Variants in CCDC171 observed in about 807,000 individuals in gnomAD.
CCDC171 encodes coiled-coil domain containing 171, also known as coiled-coil domain-containing protein 171.
CCDC171 carries 177 observed loss-of-function variants against 168.2 expected under a neutral mutation model. The observed-to-expected ratio is 1.05, with a 90% CI of 0.93 to 1.19. The LOEUF (loss-of-function observed/expected upper bound fraction) is 1.19. Ranked by LOEUF, CCDC171 falls within the 50% of genes most tolerant of loss-of-function variation. The probability of loss-of-function intolerance (pLI) is 0.00; values close to 1 mark genes in which losing one functional copy is unlikely to be tolerated. For synonymous variants in CCDC171, 687 were observed against 540.8 expected (o/e 1.27, Z -3.75); for missense variants, 1,991 against 1,539.0 (o/e 1.29, Z -4.91).
In CCDC171 at chr9:15,751,500, T is replaced by C. The variant is rs113587792; in HGVS notation, c.2671+5869T>C. ...TAAGCAAAAAGAGCAAAGCTGGAGGTGTCAGGCTGCCTGACTTCAAAACAG... is the reference window on the plus strand; with the variant it reads ...TAAGCAAAAAGAGCAAAGCTGGAGGCGTCAGGCTGCCTGACTTCAAAACAG... On this transcript the variant is annotated intron_variant, in intron 18 of 25. Transcript: ENST00000380701. 9.1e-3 allele frequency among the ~76,000 whole-genome samples: 1,381 copies of C among 152,036 alleles called. 14 individuals carry two copies. Among genetic ancestry groups the C allele is most frequent in the South Asian group, 0.022 (107 of 4,810 alleles).
At chr9:15,631,364 CA>C (rs1405590065) in intron 7 of CCDC171, among the ~76,000 whole-genome samples, 8 of 152,112 alleles carry the variant, frequency 5.3e-5, no homozygotes, top group African/African-American at 1.9e-4. Context: ...CACAGAAATA[CA>C]AACTACCATC....
At chr9:15,927,189 A>G (rs1376037786) in intron 25 of CCDC171, among the ~76,000 whole-genome samples, 2 of 151,674 alleles carry the variant, frequency 1.3e-5, no homozygotes, top group East Asian at 1.9e-4. Flanking sequence ...AGTTCATGTA[A>G]GATTTCTCAT....
chr9:15,836,434 C>A (rs952123580), intron 21 of CCDC171, among the ~76,000 whole-genome samples: 1 of 152,142 alleles, frequency 6.6e-6, no homozygotes, highest in African/African-American at 2.4e-5. Context: ...GGCGCCATCT[C>A]GGCTTACTGC....
At chr9:15,955,386 A>G (rs1486991466) in intron 25 of CCDC171, among the ~76,000 whole-genome samples, 1 of 152,124 alleles carries the variant, frequency 6.6e-6, no homozygotes, top group African/African-American at 2.4e-5. Flanking sequence ...TGCAACAATA[A>G]TGGTCACCTG....
chr9:15,591,846 G>A (rs926212041), intron 5 of CCDC171, among the ~76,000 whole-genome samples: 2 of 152,042 alleles, frequency 1.3e-5, no homozygotes, highest in African/African-American at 2.4e-5. Context: ...AGCTCTTTTT[G>A]TCTAGCAATA....
intron 1 of CCDC171, among the ~76,000 whole-genome samples, chr9:16,059,603 T>G (rs1264689249): frequency 7.1e-6 from 1 of 141,712 alleles, no homozygotes; most frequent in Non-Finnish European, 1.5e-5. Context: ...CAAGCTCCGC[T>G]TCCCAGGTTC....
intron 1 of CCDC171, among the ~76,000 whole-genome samples, chr9:15,562,605 A>G (rs1310702904): frequency 6.6e-6 from 1 of 152,152 alleles, no homozygotes; most frequent in Non-Finnish European, 1.5e-5. Context: ...TCTCTGCCCA[A>G]TATACGAAAA....
At chr9:16,103,891 C>T in the CCDC171 span, among the ~76,000 whole-genome samples, 2 of 152,114 alleles carry the variant, frequency 1.3e-5, no homozygotes, top group African/African-American at 4.8e-5. Flanking sequence ...TGGAGGTCGT[C>T]CAGAGGAAAT....
chr9:15,944,785 C>A (rs1335599892), intron 25 of CCDC171, among the ~76,000 whole-genome samples: 1 of 151,906 alleles, frequency 6.6e-6, no homozygotes, highest in Non-Finnish European at 1.5e-5. Context: ...AAAGTAACTC[C>A]TTTATTCTAG....
Position 15,824,644 on chromosome 9 carries a change from C to T in CCDC171, c.3268-22058C>T, listed in dbSNP as rs963617585. 2.6e-5 allele frequency among the ~76,000 whole-genome samples: 4 copies of T among 152,056 alleles called. No individual in the cohort carries two copies. The South Asian group carries it at 6.2e-4, about 24-fold the overall frequency. ...AACATCTTTTATTAAAATAGATGAA[C>T]AGAACAACGTATATACAGGAAGCTG... On this transcript the variant is annotated intron_variant, in intron 21 of 25. Transcript: ENST00000380701.
At chr9:16,107,299 G>C in the CCDC171 span, among the ~76,000 whole-genome samples, 1 of 152,072 alleles carries the variant, frequency 6.6e-6, no homozygotes, top group African/African-American at 2.4e-5. Context: ...ACAGGCATGT[G>C]ACCATGCCTG....
downstream of CCDC171, chr9:16,061,362 G>A (rs1230657159): frequency 1.8e-4 from 27 of 152,122 alleles, no homozygotes; most frequent in Non-Finnish European, 1.5e-5. Flanking sequence ...GATTCTGTTG[G>A]CAGCACCTTA....
chr9:15,967,441 A>G (rs1180961339), intron 25 of CCDC171, among the ~76,000 whole-genome samples: 1 of 152,264 alleles, frequency 6.6e-6, no homozygotes, highest in African/African-American at 2.4e-5. Flanking sequence ...GCTTTATTTT[A>G]GAACAACGTG....
chr9:16,069,458 G>A, the CCDC171 span, among the ~76,000 whole-genome samples: 1 of 152,246 alleles, frequency 6.6e-6, no homozygotes, highest in Admixed American at 6.5e-5. Flanking sequence ...CCATATGCAC[G>A]AAGAAGGCGC....
chr9:15,929,611 T>G (rs1810746475), intron 25 of CCDC171, among the ~76,000 whole-genome samples: 1 of 151,796 alleles, frequency 6.6e-6, no homozygotes, highest in African/African-American at 2.4e-5. Flanking sequence ...ACCACAGATC[T>G]CTTAGACCCA....
intron 2 of CCDC171, among the ~76,000 whole-genome samples, chr9:15,566,260 A>C (rs2039718417): frequency 6.6e-6 from 1 of 151,870 alleles, no homozygotes. Context: ...GTCCTTTATC[A>C]GATACATGAT....
chr9:16,016,605 G>A (rs10810515), intron 3 of CCDC171, among the ~76,000 whole-genome samples: 6,763 of 152,164 alleles, frequency 0.044, 167 homozygotes, highest in African/African-American at 0.065. Context: ...CAAATCCAGC[G>A]TAGTGTTACT....
rs1460006468 is a variant in CCDC171, at chr9:16,060,381, T to G, written n.90-265T>G. ...CACCTGGGAACGGTGACTTTGGAACTGGCTGACGTGTTTATTTGGTGTGAG... is the reference window on the plus strand; with the variant it reads ...CACCTGGGAACGGTGACTTTGGAACGGGCTGACGTGTTTATTTGGTGTGAG... On this transcript the variant is annotated intron_variant and non_coding_transcript_variant, in intron 1 of 1. Transcript: ENST00000478913. Among the ~76,000 whole-genome samples, 3 of 152,238 alleles carry G rather than the reference T, an allele frequency of 2.0e-5. No individual in the cohort carries two copies. In the East Asian group the frequency reaches 5.8e-4, roughly 29 times the overall value.
intron 24 of CCDC171, chr9:15,885,978 G>C (rs2131400043): frequency 6.6e-6 from 1 of 152,212 alleles, no homozygotes; most frequent in South Asian, 2.1e-4. Context: ...AGAACTAAAA[G>C]TTATTCCAAC....
Sources: gnomAD v4.1 joint callset for allele counts (sites outside exome capture counted in the v4.1 genomes callset) on GRCh38, gnomAD v4.1.1 for gene constraint, MANE v1.5 for transcripts, NCBI Gene and HGNC (gene_info 2026-07-23, HGNC 2026-07-21) for gene names.